The following SLC26A1 variants were observed in gnomAD, a reference collection of about 807,000 sequenced individuals.
SLC26A1 encodes the protein solute carrier family 26 member 1, also known as sulfate anion transporter 1.
In SLC26A1, 18 loss-of-function variants were observed where a neutral mutation model predicts 14.5. The observed-to-expected ratio is 1.24, with a 90% CI of 0.86 to 1.84. The LOEUF is 1.84. Among genes scored for constraint, SLC26A1 ranks in the 40% most tolerant of loss-of-function variants. SLC26A1 has a pLI of 0.00. For missense variants in SLC26A1, 1,049 were observed against 1,020.0 expected (o/e 1.03, Z -0.39); for synonymous variants, 505 against 492.0 (o/e 1.03, Z -0.35).
At chr4:990,953 C>T (rs919229808) in intron 2 of SLC26A1, 175 bp downstream of exon 2, 20 of 635,762 alleles carry the variant, frequency 3.1e-5, no homozygotes, top group African/African-American at 1.9e-4. Context: ...CTCTCCGCGT[C>T]GGTGCCTCGC....
At chr4:981,482 A>G (rs1044803658) in intron 2 of SLC26A1, among the ~76,000 whole-genome samples, 1 of 151,764 alleles carries the variant, frequency 6.6e-6, no homozygotes, top group African/African-American at 2.4e-5. Flanking sequence ...CAATCAATCA[A>G]TCAATCAATA....
At chr4:986,075 G>A (rs977170021), downstream of SLC26A1, among the ~76,000 whole-genome samples, 2 of 151,940 alleles carry the variant, frequency 1.3e-5, no homozygotes, top group Admixed American at 6.6e-5. Flanking sequence ...ATATACCATC[G>A]CATCTGGCTA....
Position 989,375 on chromosome 4 carries a change from A to T in SLC26A1, c.1564T>A (p.Tyr522Asn). Residue 522 changes from tyrosine (Y) to asparagine (N), a missense_variant, in exon 3 of 3, where the codon TAC becomes AAC. By Grantham distance (143) the Tyr-to-Asn change is moderately radical. Transcript: ENST00000398516. The stretch of plus-strand genomic sequence containing the variant: ...CCCTCGAACTCTGTGGCATCCTCGT[A>T]GAAGGCCGTGTCCCCGATGCGGGCC... ...LLARIGDTAFYEDATEFEGLV... is the reference protein window; with the variant it reads ...LLARIGDTAFNEDATEFEGLV... The T allele has an allele frequency of 6.3e-7, 1 of 1,582,040 alleles. No individual in the cohort carries two copies. Among genetic ancestry groups the T allele is most frequent in the Non-Finnish European group, 8.6e-7 (1 of 1,164,490 alleles).
downstream of SLC26A1, chr4:987,143 C>T (rs1713787159): frequency 1.4e-6 from 2 of 1,419,142 alleles, no homozygotes; most frequent in Non-Finnish European, 1.8e-6. Flanking sequence ...CTCCTGGCCG[C>T]GCCCCCGGTG....
At chr4:992,969 C>A (rs980509307) in intron 1 of SLC26A1, 1 of 152,210 alleles carries the variant, frequency 6.6e-6, no homozygotes, top group East Asian at 1.9e-4. Flanking sequence ...AGTCTCCTGG[C>A]GGGTGTGTTG....
intron 2 of SLC26A1, among the ~76,000 whole-genome samples, chr4:979,731 G>A (rs546677241): frequency 2.0e-5 from 3 of 152,334 alleles, no homozygotes; most frequent in African/African-American, 4.8e-5. Context: ...CCAGCTTCCC[G>A]TGAATCCGTC....
downstream of SLC26A1, chr4:987,070 C>T (rs1453319978): frequency 6.6e-7 from 1 of 1,505,788 alleles, no homozygotes; most frequent in Non-Finnish European, 8.8e-7. Context: ...CCGCAGTCCC[C>T]GAGCACGCGT....
chr4:985,586 C>CTGAGG (rs1713687157), downstream of SLC26A1, among the ~76,000 whole-genome samples: 1 of 152,116 alleles, frequency 6.6e-6, no homozygotes, highest in Admixed American at 6.6e-5. Context: ...GGTCGTTGGA[C>CTGAGG]TGAGGGTCTT....
chr4:992,365 G>A lies in SLC26A1; in HGVS notation c.-27-635C>T, dbSNP rs182534060. On this transcript the variant is annotated intron_variant, in intron 1 of 2. Coordinates refer to ENST00000398516, the MANE Select transcript of SLC26A1 (RefSeq NM_022042.4). ...CTGCCCTGTGGGTCCTGGGGCTGGC[G>A]GAAGTCTCAGGAAGAGGCCTCCTAT... The A allele has an allele frequency of 2.8e-3, 1,010 of 363,468 alleles. 9 individuals carry two copies. Among genetic ancestry groups the A allele is most frequent in the African/African-American group, 0.02 (938 of 47,554 alleles). 22.5% of individuals were successfully genotyped at this position (363,468 alleles called of 1,614,324 possible).
downstream of SLC26A1, chr4:987,084 C>T (rs1163109681): frequency 4.0e-6 from 6 of 1,484,488 alleles, no homozygotes; most frequent in Non-Finnish European, 5.3e-6. Flanking sequence ...CACGCGTGGC[C>T]ATGCGTCCCC....
chr4:983,518 C>A (rs867553770), downstream of SLC26A1, among the ~76,000 whole-genome samples: 40 of 152,374 alleles, frequency 2.6e-4, no homozygotes, highest in South Asian at 4.3e-3. Context: ...GGAACCGAAG[C>A]AGATGGGCCT....
rs988203559 is a variant in SLC26A1 at position 988,189 on chromosome 4, C to T, written c.*644G>A. The T allele has an allele frequency of 1.2e-5, 16 of 1,365,334 alleles. No individual in the cohort carries two copies. The highest frequency in any genetic ancestry group is 7.3e-5 in the African/African-American group (5 of 68,216). The allele number at this position is 1,365,334 out of a possible 1,614,324, so 84.6% of individuals were successfully genotyped here. On this transcript the variant is annotated 3_prime_UTR_variant, in exon 3 of 3. Transcript: ENST00000398516. ...CCTGCAGGCTCAGGGTTGGCTGCGCCGCACCTGGCTCCTGGTGCACCCGTG... is the reference window on the plus strand; with the variant it reads ...CCTGCAGGCTCAGGGTTGGCTGCGCTGCACCTGGCTCCTGGTGCACCCGTG...
At chr4:981,810 C>T (rs1354569107) in intron 2 of SLC26A1, among the ~76,000 whole-genome samples, 1 of 152,062 alleles carries the variant, frequency 6.6e-6, no homozygotes, top group Non-Finnish European at 1.5e-5. Context: ...GGCCTTGTGC[C>T]GTCCACTCTT....
At chr4:987,322 T>C, downstream of SLC26A1, 13 of 1,323,634 alleles carry the variant, frequency 9.8e-6, no homozygotes, top group Non-Finnish European at 1.2e-5. Flanking sequence ...CTGTGAGAGC[T>C]TCAGAGACCG....
In SLC26A1 at chr4:982,010, G is replaced by A. The variant is rs896952229; in HGVS notation, c.577-2506C>T. 5.9e-5 allele frequency among the ~76,000 whole-genome samples: 9 copies of A among 152,154 alleles called. No homozygotes were observed. The East Asian group carries it at 7.8e-4, about 13-fold the overall frequency. On this transcript the variant is annotated intron_variant, in intron 2 of 2. Coordinates refer to the SLC26A1 transcript ENST00000398520. ...AATTTTTTGTATTTTTAGTAGAGAC[G>A]AGTTTTCACCGTGTTAGCCAGGATG...
At chr4:981,322 TAAA>T (rs1186843267) in intron 2 of SLC26A1, among the ~76,000 whole-genome samples, 1 of 152,096 alleles carries the variant, frequency 6.6e-6, no homozygotes, top group Non-Finnish European at 1.5e-5. Context: ...TACGTCCAAA[TAAA>T]AACCAGCCAG....
chr4:987,277 G>T, downstream of SLC26A1: 3 of 1,505,986 alleles, frequency 2.0e-6, no homozygotes, highest in East Asian at 8.0e-5. Flanking sequence ...CCCCCTGGCC[G>T]CACGGGGAGA....
At chr4:987,599 C>T (rs886295304), downstream of SLC26A1, 4 of 1,422,166 alleles carry the variant, frequency 2.8e-6, no homozygotes, top group Non-Finnish European at 3.7e-6. Flanking sequence ...CCAGGGCTGG[C>T]GTTGGCCCCT....
rs771388855 is a variant in SLC26A1, at chr4:988,944, C to T, written c.1995G>A (p.Glu665=). The change falls in exon 3 of 3, where the codon GAG becomes GAA. Residue 665 remains glutamate (E), a synonymous_variant. Coordinates refer to ENST00000398516, the MANE Select transcript of SLC26A1 (RefSeq NM_022042.4). ...DILSRGGFLG[E]GPGDTAEEEQ... Reference sequence around the variant, plus strand: ...CCTCCTCAGCCGTGTCCCCGGGGCCCTCCCCGAGGAAGCCTCCTCTGCTCA... The same window carrying T: ...CCTCCTCAGCCGTGTCCCCGGGGCCTTCCCCGAGGAAGCCTCCTCTGCTCA... 1.3e-5 allele frequency: 21 copies of T among 1,597,306 alleles called. No homozygotes were observed. In the Admixed American group the frequency reaches 3.5e-4, roughly 26 times the overall value.
Sources: allele counts gnomAD v4.1 joint callset (sites outside exome capture counted in the v4.1 genomes callset), GRCh38; gene constraint gnomAD v4.1.1; transcripts MANE v1.5; gene names NCBI Gene and HGNC (gene_info 2026-07-23, HGNC 2026-07-21).